BTBD9: variants seen among roughly 807,000 people sequenced by gnomAD.
BTBD9 encodes BTB/POZ domain-containing protein 9.
Under a neutral mutation model 64.3 loss-of-function variants are expected in BTBD9, and 49 were observed. The ratio of observed to expected loss-of-function variants is 0.76; its 90% CI spans 0.61 to 0.97. The LOEUF (loss-of-function observed/expected upper bound fraction) is 0.97. BTBD9 is among the 50% of genes least tolerant of loss of function. The pLI, the probability that BTBD9 is intolerant of heterozygous loss-of-function variation, is 0.00. For synonymous variants in BTBD9, 260 were observed against 274.7 expected, an observed-to-expected ratio of 0.95 and a Z score of 0.53; for missense variants, 598 against 762.1, an observed-to-expected ratio of 0.78 and a Z score of 2.53.
At chr6:38,302,367 T>C (rs1190522774) in intron 7 of BTBD9, among the ~76,000 whole-genome samples, 1 of 151,758 alleles carries the variant, frequency 6.6e-6, no homozygotes, top group East Asian at 1.9e-4. Flanking sequence ...TCATGCAGTG[T>C]TTGTCTTCCT....
chr6:38,621,350 A>G (rs1003950970), intron 1 of BTBD9, among the ~76,000 whole-genome samples: 5 of 152,240 alleles, frequency 3.3e-5, no homozygotes, highest in African/African-American at 1.2e-4. Context: ...CCAATCAAGC[A>G]TGACTGCCAA....
At chr6:38,489,171 T>C (rs1284790261) in intron 6 of BTBD9, among the ~76,000 whole-genome samples, 1 of 152,182 alleles carries the variant, frequency 6.6e-6, no homozygotes, top group Non-Finnish European at 1.5e-5. Flanking sequence ...GATGGGATTA[T>C]AGGCGTGAAC....
intron 6 of BTBD9, among the ~76,000 whole-genome samples, chr6:38,544,260 T>C (rs13204248): frequency 0.19 from 28,252 of 152,092 alleles, 2,670 homozygotes; most frequent in East Asian, 0.27. Context: ...GTGCAATTAC[T>C]ATACCATTTT....
chr6:38,424,676 C>T (rs868332313), intron 6 of BTBD9, among the ~76,000 whole-genome samples: 13 of 151,206 alleles, frequency 8.6e-5, no homozygotes, highest in African/African-American at 1.2e-4. Flanking sequence ...ACCACCACGC[C>T]GGGCTTATTT....
intron 4 of BTBD9, among the ~76,000 whole-genome samples, chr6:38,589,164 T>C (rs945888645): frequency 8.5e-5 from 13 of 152,180 alleles, no homozygotes; most frequent in African/African-American, 1.9e-4. Context: ...GAATTTAACA[T>C]TGATGAACAA....
chr6:38,183,496 T>G (rs1425496816), intron 10 of BTBD9, among the ~76,000 whole-genome samples: 1 of 152,146 alleles, frequency 6.6e-6, no homozygotes, highest in Non-Finnish European at 1.5e-5. Flanking sequence ...CACTCACTGC[T>G]CGCTCCCCTC....
Position 38,392,249 on chromosome 6 carries a change from A to G in BTBD9, c.1155-47156T>C, listed in dbSNP as rs184856773. 1.8e-3 allele frequency among the ~76,000 whole-genome samples: 273 copies of G among 152,236 alleles called. 1 individual carries two copies. The highest frequency in any genetic ancestry group is 5.4e-3 in the African/African-American group (226 of 41,520). ...ACAGAAAGAGAGAAAAACGGAGTCA[A>G]AGAAGAAAAGGGAATGCTTTAAAAA... On this transcript the variant is annotated intron_variant, in intron 6 of 10. Coordinates refer to ENST00000481247, the MANE Select transcript of BTBD9 (RefSeq NM_001099272.2).
At chr6:38,178,996 G>A (rs576673220) in intron 10 of BTBD9, among the ~76,000 whole-genome samples, 1 of 152,160 alleles carries the variant, frequency 6.6e-6, no homozygotes, top group East Asian at 1.9e-4. Flanking sequence ...GAGACTACAG[G>A]CACGTGCCAC....
At chr6:38,449,538 A>C (rs2127330361) in intron 6 of BTBD9, among the ~76,000 whole-genome samples, 1 of 152,234 alleles carries the variant, frequency 6.6e-6, no homozygotes, top group South Asian at 2.1e-4. Flanking sequence ...CTCTTAAAAA[A>C]AAAATGATGC....
At chr6:38,547,342 A>C (rs926685974) in intron 6 of BTBD9, among the ~76,000 whole-genome samples, 6 of 152,154 alleles carry the variant, frequency 3.9e-5, no homozygotes, top group Non-Finnish European at 5.9e-5. Flanking sequence ...AGGTGGGAGG[A>C]TCGCTTAAGC....
intron 1 of BTBD9, among the ~76,000 whole-genome samples, chr6:38,629,735 T>C (rs1364669434): frequency 6.6e-6 from 1 of 151,830 alleles, no homozygotes; most frequent in Non-Finnish European, 1.5e-5. Context: ...GGCAGGAGAA[T>C]CGCTTGAACC....
intron 6 of BTBD9, among the ~76,000 whole-genome samples, chr6:38,511,360 T>TG (rs1491554452): frequency 8.6e-6 from 1 of 116,550 alleles, no homozygotes; most frequent in Non-Finnish European, 2.0e-5. Flanking sequence ...TTTTTTTTTT[T>TG]GAGACAGGGT....
At chr6:38,390,623 G>GCCTA (rs1404193612) in intron 6 of BTBD9, among the ~76,000 whole-genome samples, 3 of 152,194 alleles carry the variant, frequency 2.0e-5, no homozygotes, top group African/African-American at 7.2e-5. Context: ...AGACATGGAT[G>GCCTA]CCTAGACAAT....
chr6:38,532,932 G>A (rs1279130280), intron 6 of BTBD9, among the ~76,000 whole-genome samples: 1 of 151,780 alleles, frequency 6.6e-6, no homozygotes, highest in Admixed American at 6.6e-5. Context: ...GGCCACAGGC[G>A]AGTAGAGCAC....
At chr6:38,302,525 C>A (rs1258482444) in intron 7 of BTBD9, among the ~76,000 whole-genome samples, 8 of 74,138 alleles carry the variant, frequency 1.1e-4, no homozygotes, top group Non-Finnish European at 1.4e-4. Context: ...ATATATATAT[C>A]ACATTCTCTT....
At chr6:38,615,272 C>G (rs1777745875) in intron 1 of BTBD9, among the ~76,000 whole-genome samples, 1 of 152,240 alleles carries the variant, frequency 6.6e-6, no homozygotes, top group Non-Finnish European at 1.5e-5. Flanking sequence ...AATTGTATCT[C>G]TTTGTATTTA....
intron 6 of BTBD9, among the ~76,000 whole-genome samples, chr6:38,541,932 AAC>A (rs1457499032): frequency 2.6e-5 from 4 of 152,242 alleles, no homozygotes; most frequent in Admixed American, 2.0e-4. Flanking sequence ...AAAAAGATAA[AAC>A]AGTTTTTATT....
At chr6:38,488,053 A>G (rs1290652389) in intron 6 of BTBD9, among the ~76,000 whole-genome samples, 1 of 152,152 alleles carries the variant, frequency 6.6e-6, no homozygotes, top group Non-Finnish European at 1.5e-5. Flanking sequence ...GAGACAAGGG[A>G]TCAAGCCATC....
chr6:38,270,583 G>A (rs1765165887), intron 8 of BTBD9, among the ~76,000 whole-genome samples: 1 of 152,132 alleles, frequency 6.6e-6, no homozygotes, highest in African/African-American at 2.4e-5. Context: ...TCAGGGGCTG[G>A]GAAATATCCC....
Sources: gnomAD v4.1 joint callset for allele counts (sites outside exome capture counted in the v4.1 genomes callset) on GRCh38, gnomAD v4.1.1 for gene constraint, MANE v1.5 for transcripts, NCBI Gene and HGNC (gene_info 2026-07-23, HGNC 2026-07-21) for gene names.